The following SLC25A46 variants were observed in gnomAD, a reference collection of about 807,000 sequenced individuals.
The protein encoded by SLC25A46 is mitochondrial outer membrane protein SLC25A46.
Under a neutral mutation model 44.6 loss-of-function variants are expected in SLC25A46, and 39 were observed. That is an observed-to-expected ratio of 0.87 (90% CI 0.68 to 1.14). SLC25A46 has a LOEUF of 1.14. Ranked by LOEUF, SLC25A46 falls within the 50% of genes most tolerant of loss-of-function variation. SLC25A46 has a pLI of 0.00. For missense variants in SLC25A46, 547 were observed against 522.7 expected (o/e 1.05, Z -0.45); for synonymous variants, 202 against 185.8 (o/e 1.09, Z -0.71).
rs1381529337 is a variant in SLC25A46 at position 110,763,628 on chromosome 5, A to G, written c.*1846A>G. ...GAAAAGAATCTGAATAGAATCAAGT[A>G]TTTACTAGTGAAAATCTGTAGGATC... On this transcript the variant is annotated 3_prime_UTR_variant, in exon 8 of 8. Coordinates refer to ENST00000355943, the MANE Select transcript of SLC25A46 (RefSeq NM_138773.4). 2.0e-5 allele frequency: 3 copies of G among 151,876 alleles called. No homozygotes were observed. Among genetic ancestry groups the G allele is most frequent in the African/African-American group, 4.8e-5 (2 of 41,412 alleles). 9.4% of individuals were successfully genotyped at this position (151,876 alleles called of 1,614,324 possible).
intron 5 of SLC25A46, among the ~76,000 whole-genome samples, chr5:110,750,854 C>T (rs1179978350): frequency 6.6e-6 from 1 of 152,024 alleles, no homozygotes; most frequent in East Asian, 1.9e-4. Flanking sequence ...GGACCTTATG[C>T]AAGTAATGTT....
chr5:110,741,886 A>T, intron 1 of SLC25A46, 161 bp from the exon 2 acceptor site: 1 of 575,128 alleles, frequency 1.7e-6, no homozygotes, highest in Non-Finnish European at 3.1e-6. Context: ...TCATTCATTT[A>T]AATTATTTAC....
rs1414239518 is a variant in SLC25A46 at position 110,763,286 on chromosome 5, G to T, written c.*1504G>T. On this transcript the variant is annotated 3_prime_UTR_variant, in exon 8 of 8. Coordinates refer to ENST00000355943, the MANE Select transcript of SLC25A46 (RefSeq NM_138773.4). ...TAGAAATTCATTTTACTTGCTAAAT[G>T]TCACAGAAATGGTTACTTTTTGCAA... The T allele has an allele frequency of 6.6e-6, 1 of 151,816 alleles. No homozygotes were observed. The highest frequency in any genetic ancestry group is 2.4e-5 in the African/African-American group (1 of 41,376). The allele number at this position is 151,816 out of a possible 1,614,324, so 9.4% of individuals were successfully genotyped here.
intron 5 of SLC25A46, among the ~76,000 whole-genome samples, chr5:110,749,501 T>C (rs1799905296): frequency 9.1e-6 from 1 of 109,966 alleles, no homozygotes; most frequent in African/African-American, 3.6e-5. Flanking sequence ...CGTGTGTGTG[T>C]GGGAGCGGTG....
intron 1 of SLC25A46, among the ~76,000 whole-genome samples, chr5:110,740,937 G>C (rs1250932025): frequency 6.6e-6 from 1 of 152,224 alleles, no homozygotes; most frequent in Non-Finnish European, 1.5e-5. Flanking sequence ...GGGCGACAGA[G>C]CGAGACTCCG....
At chr5:110,739,437 G>C in intron 1 of SLC25A46, 35 bp downstream of exon 1, 1 of 1,505,460 alleles carries the variant, frequency 6.6e-7, no homozygotes, top group Non-Finnish European at 8.8e-7. Flanking sequence ...GGGATGAGGG[G>C]TTACTGGGGC....
chr5:110,740,869 G>T (rs1057466306), intron 1 of SLC25A46, among the ~76,000 whole-genome samples: 1 of 152,116 alleles, frequency 6.6e-6, no homozygotes, highest in Non-Finnish European at 1.5e-5. Flanking sequence ...GGAGAATGGC[G>T]TGAACCCGGG....
rs1158060437 is a variant in SLC25A46 at position 110,761,067 on chromosome 5, A to T, written c.679-137A>T. Reference sequence around the variant, plus strand: ...AAAAAAAATCTGATGCCTAGATAACAGTTAAAGTCTGCAAATCATGGATGT... The same window carrying T: ...AAAAAAAATCTGATGCCTAGATAACTGTTAAAGTCTGCAAATCATGGATGT... On this transcript the variant is annotated intron_variant, in intron 7 of 7. Coordinates refer to ENST00000355943, the MANE Select transcript of SLC25A46 (RefSeq NM_138773.4). The surrounding 1 kb of genome is among the most constrained non-coding windows in gnomAD (Gnocchi z 5.3). 4 of 680,976 alleles carry T rather than the reference A, an allele frequency of 5.9e-6. No individual in the cohort carries two copies. Among genetic ancestry groups the T allele is most frequent in the Non-Finnish European group, 4.9e-6 (2 of 406,818 alleles). 42.2% of individuals were successfully genotyped at this position (680,976 alleles called of 1,614,324 possible). A position where few individuals can be genotyped will look rare whatever the true frequency, so the allele number is the denominator to read the frequency against.
At chr5:110,757,824 A>G (rs1311573635) in intron 7 of SLC25A46, among the ~76,000 whole-genome samples, 2 of 152,146 alleles carry the variant, frequency 1.3e-5, no homozygotes, top group Non-Finnish European at 2.9e-5. Context: ...ACAACTAAGC[A>G]GAATGATTTA....
intron 5 of SLC25A46, 133 bp from the exon 6 acceptor site, chr5:110,755,332 T>A: frequency 1.7e-6 from 1 of 592,524 alleles, no homozygotes; most frequent in Non-Finnish European, 3.0e-6. Flanking sequence ...AAGAAAATGT[T>A]CACCATTAGA....
At chr5:110,742,761 T>C (rs1799721702) in intron 2 of SLC25A46, among the ~76,000 whole-genome samples, 1 of 152,078 alleles carries the variant, frequency 6.6e-6, no homozygotes, top group Non-Finnish European at 1.5e-5. Flanking sequence ...TTTAGCAACA[T>C]AGCATCTAGA....
intron 5 of SLC25A46, among the ~76,000 whole-genome samples, chr5:110,750,425 G>GA (rs2090446148): frequency 6.6e-6 from 1 of 152,004 alleles, no homozygotes; most frequent in South Asian, 2.1e-4. Flanking sequence ...TTGGTAGAGT[G>GA]AAAAAAATTC....
At chr5:110,740,808 C>T (rs558593148) in intron 1 of SLC25A46, among the ~76,000 whole-genome samples, 2 of 152,194 alleles carry the variant, frequency 1.3e-5, no homozygotes, top group East Asian at 1.9e-4. Context: ...AAAAATTAGC[C>T]GGGCGTGGTG....
chr5:110,738,444 A>G (rs1022962349), upstream of SLC25A46, among the ~76,000 whole-genome samples: 6 of 152,194 alleles, frequency 3.9e-5, no homozygotes, highest in Admixed American at 2.6e-4. Flanking sequence ...GTATTCGAGT[A>G]CGTGGGTTTC....
At chr5:110,755,401 GC>G (rs1192378941) in intron 5 of SLC25A46, 63 bp from the exon 6 acceptor site, 1 of 999,216 alleles carries the variant, frequency 1.0e-6, no homozygotes, top group Non-Finnish European at 1.5e-6. Context: ...TGAAAATTGG[GC>G]TAATTCCAGA....
chr5:110,739,502 T>G, intron 1 of SLC25A46, 100 bp downstream of exon 1: 1 of 1,425,108 alleles, frequency 7.0e-7, no homozygotes, highest in Non-Finnish European at 9.2e-7. Flanking sequence ...CGCCTCCTAT[T>G]CCTTCTCATC....
chr5:110,758,871 T>C (rs1238973581), intron 7 of SLC25A46, among the ~76,000 whole-genome samples: 1 of 152,174 alleles, frequency 6.6e-6, no homozygotes, highest in Non-Finnish European at 1.5e-5. Context: ...GTTTTCAAGT[T>C]GCAATACTTA....
upstream of SLC25A46, chr5:110,738,189 T>C (rs1799406776): frequency 7.8e-7 from 1 of 1,275,808 alleles, no homozygotes; most frequent in South Asian, 1.3e-5. Context: ...ACCATGGAAG[T>C]CTTCCTCAGA....
At chr5:110,749,057 A>C (rs555753464) in intron 5 of SLC25A46, among the ~76,000 whole-genome samples, 29 of 152,330 alleles carry the variant, frequency 1.9e-4, no homozygotes, top group Middle Eastern at 3.4e-3. Context: ...GGAACAGAAC[A>C]GAAAGGGATG....
Sources: allele counts gnomAD v4.1 joint callset (sites outside exome capture counted in the v4.1 genomes callset), GRCh38; gene constraint gnomAD v4.1.1; non-coding constraint Gnocchi (gnomAD v3.1); transcripts MANE v1.5; gene names NCBI Gene and HGNC (gene_info 2026-07-23, HGNC 2026-07-21).